The following EPS15L1 variants were observed in gnomAD, a reference collection of about 807,000 sequenced individuals.
The protein encoded by EPS15L1 is epidermal growth factor receptor substrate 15-like 1.
In EPS15L1, 43 loss-of-function variants were observed where a neutral mutation model predicts 117.1. That is an observed-to-expected ratio of 0.37 (90% confidence interval 0.29 to 0.47). EPS15L1 has a LOEUF of 0.47. Ranked by LOEUF, EPS15L1 falls within the 20% of genes least tolerant of loss-of-function variation. EPS15L1 has a pLI of 0.99. For missense variants in EPS15L1, 981 were observed against 1,164.0 expected, an observed-to-expected ratio of 0.84 and a Z score of 2.29; for synonymous variants, 459 against 470.5, an observed-to-expected ratio of 0.98 and a Z score of 0.32.
At chr19:16,420,744 T>A (rs536400462) in intron 10 of EPS15L1, among the ~76,000 whole-genome samples, 1 of 152,268 alleles carries the variant, frequency 6.6e-6, no homozygotes, top group East Asian at 1.9e-4. Flanking sequence ...CCCTGGCCAG[T>A]GGCAAGAGGA....
chr19:16,439,140 C>T (rs2093005687), intron 4 of EPS15L1, among the ~76,000 whole-genome samples: 1 of 149,826 alleles, frequency 6.7e-6, no homozygotes, highest in African/African-American at 2.5e-5. Flanking sequence ...ATACTGTTAA[C>T]AGTTTTAAAA....
At chr19:16,463,096 C>G (rs1267938996) in intron 1 of EPS15L1, among the ~76,000 whole-genome samples, 1 of 152,204 alleles carries the variant, frequency 6.6e-6, no homozygotes, top group Non-Finnish European at 1.5e-5. Context: ...GCTCAGCAGA[C>G]AGAATCTCAT....
intron 6 of EPS15L1, chr19:16,435,317 T>C (rs1035439749): frequency 2.0e-5 from 3 of 152,120 alleles, no homozygotes; most frequent in Non-Finnish European, 4.4e-5. Flanking sequence ...TAGCTCTTCA[T>C]GAACAGAGGG....
intron 13 of EPS15L1, among the ~76,000 whole-genome samples, chr19:16,410,568 T>C (rs143244127): frequency 6.6e-6 from 1 of 152,192 alleles, no homozygotes; most frequent in East Asian, 1.9e-4. Context: ...CTAGCAACAA[T>C]ATTTGCAAAG....
intron 2 of EPS15L1, 73 bp downstream of exon 2, chr19:16,442,105 G>A: frequency 6.6e-7 from 1 of 1,507,504 alleles, no homozygotes. Context: ...GCTCAGCCGG[G>A]CTTCTATTCT....
chr19:16,411,948 C>T (rs1434971680), intron 13 of EPS15L1, among the ~76,000 whole-genome samples: 2 of 152,186 alleles, frequency 1.3e-5, no homozygotes, highest in Non-Finnish European at 2.9e-5. Flanking sequence ...ATCCTCCGGC[C>T]TCGGCCTCCC....
intron 19 of EPS15L1, among the ~76,000 whole-genome samples, chr19:16,389,765 G>A (rs2092457999): frequency 6.6e-6 from 1 of 152,080 alleles, no homozygotes; most frequent in Non-Finnish European, 1.5e-5. Context: ...GTGGACAAAT[G>A]GACCTACATG....
intron 8 of EPS15L1, among the ~76,000 whole-genome samples, chr19:16,425,875 T>C (rs566241573): frequency 2.0e-5 from 3 of 152,160 alleles, no homozygotes; most frequent in African/African-American, 4.8e-5. Context: ...GCCACAGCCA[T>C]AGAAATAAAT....
intron 1 of EPS15L1, among the ~76,000 whole-genome samples, chr19:16,446,873 C>T (rs540114705): frequency 7.9e-5 from 12 of 152,304 alleles, no homozygotes; most frequent in Admixed American, 7.8e-4. Flanking sequence ...TGCCATTTCC[C>T]CAGGAAAGCT....
intron 1 of EPS15L1, among the ~76,000 whole-genome samples, chr19:16,444,760 T>C (rs1419845896): frequency 6.6e-6 from 1 of 151,920 alleles, no homozygotes; most frequent in Non-Finnish European, 1.5e-5. Flanking sequence ...AGGGTCTTGT[T>C]CTGTCACCCA....
intron 10 of EPS15L1, 63 bp downstream of exon 10, chr19:16,421,256 A>C (rs1016602791): frequency 6.5e-7 from 1 of 1,536,486 alleles, no homozygotes; most frequent in Non-Finnish European, 8.8e-7. Flanking sequence ...CACCCTCCAC[A>C]GTCTTCACCC....
chr19:16,428,680 G>A (rs199956394), intron 8 of EPS15L1, 22 bp downstream of exon 8: 194 of 1,605,280 alleles, frequency 1.2e-4, no homozygotes, highest in Non-Finnish European at 1.6e-4. Flanking sequence ...GGGCTGGGTG[G>A]GGAGGAAACA....
At position 16,404,380 on chromosome 19, in the gene EPS15L1, AT is replaced by A. The variant is rs1304860764; in HGVS notation, c.1428+207del. Among the ~76,000 whole-genome samples, 2 of 152,198 alleles carry A rather than the reference AT, an allele frequency of 1.3e-5. No individual in the cohort carries two copies. The highest frequency in any genetic ancestry group is 4.8e-5 in the African/African-American group (2 of 41,446). ...TCGCAGGGACCAAGGCCATTCACTTATACAACCTGACTTCTAGGAGTACAGG... is the reference window on the plus strand; with the variant it reads ...TCGCAGGGACCAAGGCCATTCACTTAACAACCTGACTTCTAGGAGTACAGG... On this transcript the variant is annotated intron_variant, in intron 14 of 23. Coordinates refer to ENST00000455140, the MANE Select transcript of EPS15L1 (RefSeq NM_001258374.3). This position sits in a 1 kb window ranked among gnomAD's most constrained non-coding sequence, Gnocchi z 4.2.
chr19:16,414,233 G>A (rs565201695), intron 12 of EPS15L1, among the ~76,000 whole-genome samples: 20 of 152,146 alleles, frequency 1.3e-4, no homozygotes, highest in Middle Eastern at 3.4e-3. Flanking sequence ...ACCTCAGAAA[G>A]GAAAAAGAGA....
chr19:16,390,313 C>A (rs1004752297), intron 19 of EPS15L1, among the ~76,000 whole-genome samples: 4 of 152,178 alleles, frequency 2.6e-5, no homozygotes, highest in Admixed American at 2.6e-4. Context: ...CAGAAAGACA[C>A]AACAATCATA....
At chr19:16,458,753 C>T (rs1374372890) in intron 1 of EPS15L1, among the ~76,000 whole-genome samples, 1 of 152,160 alleles carries the variant, frequency 6.6e-6, no homozygotes, top group African/African-American at 2.4e-5. Context: ...CACCCACATA[C>T]ACTCACACTC....
intron 1 of EPS15L1, among the ~76,000 whole-genome samples, chr19:16,458,987 G>C (rs997034952): frequency 1.3e-5 from 2 of 152,206 alleles, no homozygotes; most frequent in African/African-American, 4.8e-5. Context: ...TCCACGCCTG[G>C]GCTGTGGTCT....
rs934097355 is a variant in EPS15L1 at position 16,370,608 on chromosome 19, G to A, written c.2380+6514C>T. ...GAGTCACACGACACTCCCTGGATCC[G>A]CCTCTGGGTACAGTGTGCCCAGGAA... is the stretch of plus-strand genomic sequence containing the variant. On this transcript the variant is annotated intron_variant, in intron 22 of 23. Transcript: ENST00000455140. The surrounding 1 kb of genome is among the most constrained non-coding windows in gnomAD (Gnocchi z 5.2). Among the ~76,000 whole-genome samples, 2 of 152,186 alleles carry A rather than the reference G, an allele frequency of 1.3e-5. No homozygotes were observed. Among genetic ancestry groups the A allele is most frequent in the African/African-American group, 4.8e-5 (2 of 41,438 alleles).
chr19:16,364,852 C>T (rs760359987), intron 22 of EPS15L1, among the ~76,000 whole-genome samples: 5 of 152,202 alleles, frequency 3.3e-5, no homozygotes, highest in Admixed American at 6.5e-5. Context: ...ATCTCCCTAT[C>T]GGCCGCCCAC....
Sources: allele counts gnomAD v4.1 joint callset (sites outside exome capture counted in the v4.1 genomes callset), GRCh38; gene constraint gnomAD v4.1.1; non-coding constraint Gnocchi (gnomAD v3.1); transcripts MANE v1.5; gene names NCBI Gene and HGNC (gene_info 2026-07-23, HGNC 2026-07-21).